The following PRKAR1B variants were observed in gnomAD, a reference collection of about 807,000 sequenced individuals.
PRKAR1B encodes the protein cAMP-dependent protein kinase type I-beta regulatory subunit.
A neutral mutation model predicts 46.5 loss-of-function variants in PRKAR1B; 22 were observed. The ratio of observed to expected loss-of-function variants is 0.47; its 90% CI spans 0.34 to 0.68. The LOEUF is 0.68. PRKAR1B is among the 30% of genes least tolerant of loss of function. The pLI is 0.01. For synonymous variants in PRKAR1B, 259 were observed against 217.7 expected, an observed-to-expected ratio of 1.19 and a Z score of -1.67; for missense variants, 445 against 535.6, an observed-to-expected ratio of 0.83 and a Z score of 1.67.
rs1469983241 is a variant in PRKAR1B, at chr7:649,686, C to T, written c.440+27543G>A. Among the ~76,000 whole-genome samples the T allele has an allele frequency of 2.0e-5, 3 of 152,248 alleles. No homozygotes were observed. The East Asian group carries it at 5.8e-4, about 29-fold the overall frequency. On this transcript the variant is annotated intron_variant, in intron 4 of 10. Coordinates refer to ENST00000537384, the MANE Select transcript of PRKAR1B (RefSeq NM_001164760.2). The stretch of plus-strand genomic sequence containing the variant: ...CAACTCCCAGACCCAAGCGATCCTC[C>T]CATCTCAGCCTCCTGAATAGCTGCA...
At chr7:611,526 G>A (rs979698122) in intron 4 of PRKAR1B, among the ~76,000 whole-genome samples, 5 of 152,192 alleles carry the variant, frequency 3.3e-5, no homozygotes, top group African/African-American at 9.7e-5. Flanking sequence ...CACCACTCCC[G>A]ATCCTGATGC....
intron 2 of PRKAR1B, among the ~76,000 whole-genome samples, chr7:702,550 C>T (rs1780114567): frequency 6.6e-6 from 1 of 152,112 alleles, no homozygotes; most frequent in African/African-American, 2.4e-5. Flanking sequence ...ATAGGCTGGG[C>T]GTGGGGCTCA....
chr7:553,533 G>A (rs1055748459), intron 9 of PRKAR1B, among the ~76,000 whole-genome samples: 2 of 152,208 alleles, frequency 1.3e-5, no homozygotes, highest in East Asian at 1.9e-4. Flanking sequence ...GTCCGGAGAC[G>A]GCACCATCCG....
intron 6 of PRKAR1B, among the ~76,000 whole-genome samples, chr7:601,630 G>A (rs920458085): frequency 5.3e-5 from 8 of 152,174 alleles, no homozygotes; most frequent in African/African-American, 1.2e-4. Flanking sequence ...GCCCGGCCCC[G>A]CCGGGCACTC....
chr7:723,616 T>C (rs1781149266), intron 1 of PRKAR1B, among the ~76,000 whole-genome samples: 1 of 152,218 alleles, frequency 6.6e-6, no homozygotes, highest in South Asian at 2.1e-4. Context: ...TCTTCAGCAC[T>C]CACTGCCACA....
chr7:658,643 ATGTTTTT>A (rs1339851345), intron 4 of PRKAR1B, among the ~76,000 whole-genome samples: 2 of 151,944 alleles, frequency 1.3e-5, no homozygotes, highest in Admixed American at 1.3e-4. Flanking sequence ...CCACGATAAA[ATGTTTTT>A]TGTTTTTTGG....
intron 1 of PRKAR1B, 143 bp downstream of exon 1, chr7:727,067 G>A (rs1321440198): frequency 8.5e-6 from 9 of 1,056,048 alleles, no homozygotes; most frequent in Non-Finnish European, 1.0e-5. Flanking sequence ...GCCCTGCCGC[G>A]CCTGCTGCCC....
At chr7:583,557 C>G (rs9690053) in intron 8 of PRKAR1B, among the ~76,000 whole-genome samples, 4 of 55,596 alleles carry the variant, frequency 7.2e-5, no homozygotes, top group African/African-American at 3.3e-4. Context: ...CAAACACATG[C>G]GTGCACACCC....
rs77270969 is a variant in PRKAR1B, at chr7:550,578, C to A, written c.998G>T (p.Arg333Leu). The change falls in exon 11 of 11, where the codon CGG becomes CTG. Residue 333 changes from arginine to leucine, a missense_variant. Physicochemically the swap from Arg to Leu is moderately radical, Grantham distance 102. This residue lies in a region of PRKAR1B where 127 missense variants were observed against 138.0 expected (regional missense o/e 0.92). Coordinates refer to ENST00000537384, the MANE Select transcript of PRKAR1B (RefSeq NM_001164760.2). Reference sequence around the variant, plus strand: ...GGCCACGACAGTGGCCGCCCGGGGCCGGTTCAGCAGCAGTGCAATCTCCCC... The same window carrying A: ...GGCCACGACAGTGGCCGCCCGGGGCAGGTTCAGCAGCAGTGCAATCTCCCC... ...YFGEIALLLN[R>L]PRAATVVARG... The A allele has an allele frequency of 6.3e-7, 1 of 1,591,232 alleles. No individual in the cohort carries two copies. The highest frequency in any genetic ancestry group is 8.5e-7 in the Non-Finnish European group (1 of 1,170,940).
intron 4 of PRKAR1B, among the ~76,000 whole-genome samples, chr7:639,866 A>T (rs537757805): frequency 1.4e-4 from 21 of 151,490 alleles, no homozygotes; most frequent in Non-Finnish European, 2.8e-4. Flanking sequence ...TTAAAAAGAA[A>T]AAAAGAAAGA....
At chr7:723,660 G>A (rs1052227302) in intron 1 of PRKAR1B, among the ~76,000 whole-genome samples, 17 of 152,184 alleles carry the variant, frequency 1.1e-4, no homozygotes, top group African/African-American at 2.2e-4. Flanking sequence ...TCCGTTCAAC[G>A]GAAGCCAAAG....
intron 9 of PRKAR1B, among the ~76,000 whole-genome samples, chr7:556,196 G>A (rs1778416973): frequency 6.6e-6 from 1 of 152,082 alleles, no homozygotes; most frequent in African/African-American, 2.4e-5. Flanking sequence ...CAGCTCAGGT[G>A]GGGGCATTCG....
At chr7:596,113 GTTGGCC>G (rs1781254281) in intron 7 of PRKAR1B, 27 bp downstream of exon 7, 3 of 1,598,620 alleles carry the variant, frequency 1.9e-6, no homozygotes, top group Non-Finnish European at 2.6e-6. Context: ...AAGGGTGGGT[GTTGGCC>G]TTCTCTGTGC....
intron 4 of PRKAR1B, among the ~76,000 whole-genome samples, chr7:668,938 C>T (rs1786075233): frequency 6.6e-6 from 1 of 152,040 alleles, no homozygotes; most frequent in Admixed American, 6.6e-5. Flanking sequence ...TGTGGTTCCT[C>T]AAAAAGCTAA....
intron 4 of PRKAR1B, among the ~76,000 whole-genome samples, chr7:676,452 G>C (rs1778300106): frequency 6.6e-6 from 1 of 152,188 alleles, no homozygotes; most frequent in African/African-American, 2.4e-5. Flanking sequence ...GAGGCTGTGA[G>C]CTTAGCAACG....
At chr7:632,360 G>C (rs1171717036) in intron 4 of PRKAR1B, among the ~76,000 whole-genome samples, 2 of 152,128 alleles carry the variant, frequency 1.3e-5, no homozygotes, top group Non-Finnish European at 2.9e-5. Flanking sequence ...ACCCGGACTC[G>C]AGACGAATCC....
intron 4 of PRKAR1B, among the ~76,000 whole-genome samples, chr7:628,022 A>AG (rs1783509962): frequency 6.7e-6 from 1 of 149,808 alleles, no homozygotes; most frequent in East Asian, 2.0e-4. Context: ...GCCTCATCAC[A>AG]GGGGGACAGC....
chr7:554,836 G>A (rs1020882536), intron 9 of PRKAR1B, among the ~76,000 whole-genome samples: 16 of 152,020 alleles, frequency 1.1e-4, no homozygotes, highest in Admixed American at 6.5e-5. Context: ...CCGGAAGACA[G>A]GGGAGGCCAC....
intron 4 of PRKAR1B, among the ~76,000 whole-genome samples, chr7:656,941 A>G (rs1365841214): frequency 2.1e-5 from 3 of 146,078 alleles, no homozygotes; most frequent in South Asian, 2.3e-4. Flanking sequence ...GAATGAGTGA[A>G]CGAATGAATG....
Sources: gnomAD v4.1 joint callset for allele counts (sites outside exome capture counted in the v4.1 genomes callset) on GRCh38, gnomAD v4.1.1 for gene constraint, gnomAD v4.1.1 regional missense constraint, MANE v1.5 for transcripts, NCBI Gene and HGNC (gene_info 2026-07-23, HGNC 2026-07-21) for gene names.